Variants in WDR44 observed in about 807,000 individuals in gnomAD.
The protein encoded by WDR44 is WD repeat-containing protein 44.
Under a neutral mutation model 65.7 loss-of-function variants are expected in WDR44, and 9 were observed. The observed-to-expected ratio is 0.14, with a 90% CI of 0.08 to 0.24. The LOEUF is 0.24. WDR44 is among the 10% of genes least tolerant of loss of function. The pLI is 1.00. For missense variants in WDR44, 425 were observed against 670.9 expected, an observed-to-expected ratio of 0.63 and a Z score of 4.05; for synonymous variants, 220 against 235.2, an observed-to-expected ratio of 0.94 and a Z score of 0.59.
At chrX:118,441,347 T>G in intron 14 of WDR44, 21 bp from the exon 15 acceptor site, 4 of 1,172,331 alleles carry the variant, frequency 3.4e-6, no homozygotes, top group Non-Finnish European at 4.6e-6. Flanking sequence ...ATGAAAACTT[T>G]CTCTGTTGCC....
chrX:118,421,296 C>T (rs1189452043), intron 12 of WDR44, among the ~76,000 whole-genome samples: 4 of 112,209 alleles, frequency 3.6e-5, no homozygotes, highest in Admixed American at 2.9e-4. Context: ...TCCTCAGCTA[C>T]ATCCATCTAA....
intron 12 of WDR44, among the ~76,000 whole-genome samples, chrX:118,419,347 A>G (rs768231094): frequency 8.9e-6 from 1 of 111,883 alleles, no homozygotes; most frequent in South Asian, 3.7e-4. Flanking sequence ...CGAGCTCCCA[A>G]GGCTTTCCTG....
chrX:118,377,896 T>G (rs1490244564), intron 1 of WDR44, among the ~76,000 whole-genome samples: 1 of 109,137 alleles, frequency 9.2e-6, no homozygotes, highest in Admixed American at 9.9e-5. Context: ...CCTGGATAAT[T>G]TTTAAATTAT....
At chrX:118,388,010 A>G (rs1328657128) in intron 3 of WDR44, among the ~76,000 whole-genome samples, 2 of 111,714 alleles carry the variant, frequency 1.8e-5, no homozygotes, top group African/African-American at 3.3e-5. Context: ...TCCAGAGGCT[A>G]ACAAAATGAC....
intron 7 of WDR44, among the ~76,000 whole-genome samples, chrX:118,397,516 A>C (rs920373055): frequency 1.8e-5 from 2 of 111,296 alleles, no homozygotes; most frequent in Non-Finnish European, 3.8e-5. Context: ...TAAATAAATT[A>C]AAATAACAGA....
intron 12 of WDR44, among the ~76,000 whole-genome samples, chrX:118,424,323 G>GTGTGTGTGTATATATATA (rs1289349202): frequency 6.1e-5 from 4 of 65,554 alleles, no homozygotes; most frequent in African/African-American, 3.0e-4. Flanking sequence ...GTGTGTGTGT[G>GTGTGTGTGTATATATATA]TATATATATA....
At chrX:118,400,765 C>T (rs1422977477) in intron 8 of WDR44, among the ~76,000 whole-genome samples, 2 of 106,616 alleles carry the variant, frequency 1.9e-5, no homozygotes, top group African/African-American at 6.9e-5. Flanking sequence ...GTGCGCTGCA[C>T]CCACTAACTC....
intron 1 of WDR44, among the ~76,000 whole-genome samples, chrX:118,358,156 GTT>G (rs1310956177): frequency 3.6e-5 from 4 of 112,246 alleles, no homozygotes; most frequent in Non-Finnish European, 5.6e-5. Flanking sequence ...TAGAAAGAAT[GTT>G]TGGCCTTTAG....
chrX:118,362,919 G>A (rs1006473447), intron 1 of WDR44, among the ~76,000 whole-genome samples: 2 of 107,118 alleles, frequency 1.9e-5, no homozygotes, highest in Non-Finnish European at 3.9e-5. Context: ...GCTAAATCTG[G>A]CAACCCTAGG....
Position 118,444,460 on chromosome X carries a change from T to A in WDR44, c.2613T>A (p.Ser871Arg). The A allele has an allele frequency of 8.3e-7, 1 of 1,211,284 alleles. No individual in the cohort carries two copies. Among genetic ancestry groups the A allele is most frequent in the Non-Finnish European group, 1.1e-6 (1 of 895,123 alleles). ...QSEKSEGNEK[S>R]EDAEVLDATP... ...AAAAATCAGAAGGGAACGAGAAAAG[T>A]GAAGATGCTGAAGTTTTGGATGCCA... Residue 871 changes from serine to arginine, a missense_variant, in exon 19 of 20, where the codon AGT (serine) becomes AGA (arginine). This residue lies in a region of WDR44 where 37 missense variants were observed against 40.9 expected (regional missense o/e 0.90). Coordinates refer to ENST00000254029, the MANE Select transcript of WDR44 (RefSeq NM_019045.5).
intron 2 of WDR44, among the ~76,000 whole-genome samples, chrX:118,386,832 A>T (rs997923156): frequency 2.7e-5 from 3 of 111,441 alleles, no homozygotes; most frequent in Non-Finnish European, 3.8e-5. Flanking sequence ...TTCTTATGCA[A>T]ATTACATTGT....
At chrX:118,420,326 A>G (rs925659614) in intron 12 of WDR44, among the ~76,000 whole-genome samples, 2 of 110,164 alleles carry the variant, frequency 1.8e-5, no homozygotes, top group Non-Finnish European at 3.8e-5. Flanking sequence ...ATCTCGGCTC[A>G]TTTGCAACCT....
chrX:118,432,955 C>G, intron 13 of WDR44, 61 bp downstream of exon 13: 1 of 1,026,155 alleles, frequency 9.7e-7, no homozygotes. Flanking sequence ...ATGCTGTAGT[C>G]TTAAAGCAGA....
chrX:118,432,337 GA>G (rs1325277614), intron 12 of WDR44, among the ~76,000 whole-genome samples: 1 of 111,551 alleles, frequency 9.0e-6, no homozygotes, highest in African/African-American at 3.3e-5. Context: ...CTTTAAGGGT[GA>G]GAAAATCTCT....
intron 10 of WDR44, among the ~76,000 whole-genome samples, chrX:118,407,554 G>A (rs1027687633): frequency 6.3e-5 from 7 of 110,943 alleles, no homozygotes; most frequent in Middle Eastern, 9.3e-3. Flanking sequence ...AAACTCTCAG[G>A]CTGTATCACT....
intron 8 of WDR44, among the ~76,000 whole-genome samples, chrX:118,403,280 C>G (rs894767108): frequency 1.8e-5 from 2 of 111,860 alleles, no homozygotes; most frequent in Non-Finnish European, 1.9e-5. Context: ...AACAAAAACT[C>G]TGTCTAAAGT....
At chrX:118,409,717 A>G in intron 11 of WDR44, 90 bp downstream of exon 11, 1 of 926,862 alleles carries the variant, frequency 1.1e-6, no homozygotes, top group Non-Finnish European at 1.5e-6. Context: ...AGTCATTTGC[A>G]GCAACCACTA....
At chrX:118,383,878 CT>C (rs549809406) in intron 2 of WDR44, among the ~76,000 whole-genome samples, 1,179 of 69,789 alleles carry the variant, frequency 0.017, 5 homozygotes, top group Middle Eastern at 0.035. Context: ...TTTTTAATTT[CT>C]TTTTTTTTTT....
intron 6 of WDR44, among the ~76,000 whole-genome samples, chrX:118,396,355 A>C (rs1315192285): frequency 8.9e-6 from 1 of 112,195 alleles, no homozygotes; most frequent in Non-Finnish European, 1.9e-5. Context: ...AATGTACACA[A>C]ATATTCACAG....
Sources: allele counts gnomAD v4.1 joint callset (sites outside exome capture counted in the v4.1 genomes callset), GRCh38; gene constraint gnomAD v4.1.1; regional missense constraint gnomAD v4.1.1; transcripts MANE v1.5; gene names NCBI Gene and HGNC (gene_info 2026-07-23, HGNC 2026-07-21).